The following GRM7 variants were observed in gnomAD, a reference collection of about 807,000 sequenced individuals.
GRM7 encodes metabotropic glutamate receptor 7.
GRM7 carries 35 observed loss-of-function variants against 84.5 expected under a neutral mutation model. The ratio of observed to expected loss-of-function variants is 0.41; its 90% CI spans 0.32 to 0.55. GRM7 has a LOEUF of 0.55. Ranked by LOEUF, GRM7 falls within the 20% of genes least tolerant of loss-of-function variation. The pLI is 0.19. For missense variants in GRM7, 1,003 were observed against 1,194.6 expected (o/e 0.84, Z 2.36); for synonymous variants, 487 against 455.1 (o/e 1.07, Z -0.89).
chr3:7,405,207 A>T (rs1025326796), intron 4 of GRM7, among the ~76,000 whole-genome samples: 4 of 152,350 alleles, frequency 2.6e-5, no homozygotes, highest in African/African-American at 9.6e-5. Context: ...TTTCTTGAAA[A>T]TATGTCATAT....
chr3:7,167,018 T>C (rs1041347052), intron 2 of GRM7, among the ~76,000 whole-genome samples: 1 of 152,184 alleles, frequency 6.6e-6, no homozygotes, highest in African/African-American at 2.4e-5. Flanking sequence ...ATATCTCAAA[T>C]GAGGTGATAA....
At chr3:6,927,592 ATACTT>A (rs1343971584) in intron 1 of GRM7, among the ~76,000 whole-genome samples, 3 of 152,204 alleles carry the variant, frequency 2.0e-5, no homozygotes, top group Non-Finnish European at 4.4e-5. Context: ...AGAAAAAAAT[ATACTT>A]TAGAGAGAAT....
chr3:7,069,039 C>T (rs906932095), intron 1 of GRM7, among the ~76,000 whole-genome samples: 4 of 149,800 alleles, frequency 2.7e-5, no homozygotes, highest in Non-Finnish European at 4.4e-5. Flanking sequence ...ATTATATATA[C>T]GATGATGATA....
intron 2 of GRM7, among the ~76,000 whole-genome samples, chr3:7,155,797 C>T (rs1461257978): frequency 1.3e-5 from 2 of 152,090 alleles, no homozygotes; most frequent in Non-Finnish European, 2.9e-5. Context: ...AGATGATAAA[C>T]ATATCCGGCA....
chr3:7,305,036 A>C (rs1305942717), intron 3 of GRM7, among the ~76,000 whole-genome samples: 1 of 152,190 alleles, frequency 6.6e-6, no homozygotes, highest in East Asian at 1.9e-4. Flanking sequence ...TTATAACAAT[A>C]TCTAGAGTCT....
At chr3:7,616,827 A>C (rs1697102782) in intron 8 of GRM7, among the ~76,000 whole-genome samples, 1 of 152,166 alleles carries the variant, frequency 6.6e-6, no homozygotes, top group African/African-American at 2.4e-5. Flanking sequence ...CTTCAGGATG[A>C]AAAACCTGAA....
At chr3:6,941,121 G>C (rs986324610) in intron 1 of GRM7, among the ~76,000 whole-genome samples, 1 of 152,116 alleles carries the variant, frequency 6.6e-6, no homozygotes, top group Non-Finnish European at 1.5e-5. Flanking sequence ...CAGCATTCCA[G>C]GTAAACTAGC....
intron 2 of GRM7, among the ~76,000 whole-genome samples, chr3:7,165,542 A>T (rs908960437): frequency 2.6e-5 from 4 of 152,220 alleles, no homozygotes; most frequent in African/African-American, 9.6e-5. Flanking sequence ...AAGAAGAAAA[A>T]TTTCCACTAA....
At chr3:7,453,982 G>A (rs544626805) in intron 6 of GRM7, among the ~76,000 whole-genome samples, 1 of 152,062 alleles carries the variant, frequency 6.6e-6, no homozygotes, top group South Asian at 2.1e-4. Flanking sequence ...GGAGGGCAGG[G>A]TAAGGTCAGA....
intron 1 of GRM7, among the ~76,000 whole-genome samples, chr3:6,936,723 C>T (rs1204978739): frequency 1.3e-5 from 2 of 152,192 alleles, no homozygotes; most frequent in African/African-American, 4.8e-5. Context: ...CTTTCCACGA[C>T]ATTCTATGAG....
intron 1 of GRM7, among the ~76,000 whole-genome samples, chr3:7,010,102 T>C (rs1167902744): frequency 6.6e-6 from 1 of 152,048 alleles, no homozygotes; most frequent in Non-Finnish European, 1.5e-5. Flanking sequence ...TGTGGGCCAG[T>C]AGATAGAAAA....
intron 6 of GRM7, 37 bp from the exon 7 acceptor site, chr3:7,461,546 T>C (rs1243604215): frequency 6.4e-7 from 1 of 1,573,916 alleles, no homozygotes; most frequent in Non-Finnish European, 8.7e-7. Context: ...GAATCTTGTT[T>C]AACTTTAGAA....
At chr3:7,259,246 A>G (rs544975681) in intron 2 of GRM7, among the ~76,000 whole-genome samples, 98 of 152,322 alleles carry the variant, frequency 6.4e-4, no homozygotes, top group East Asian at 9.6e-4. Flanking sequence ...CTGTAAAGTG[A>G]TGGTGATCAA....
At chr3:7,365,664 TACACACACGCAC>T (rs1693856409) in intron 4 of GRM7, among the ~76,000 whole-genome samples, 1 of 144,598 alleles carries the variant, frequency 6.9e-6, no homozygotes, top group African/African-American at 2.5e-5. Flanking sequence ...TATATATATA[TACACACACGCAC>T]ACACACACAC....
At chr3:7,630,899 G>A (rs548646549) in intron 8 of GRM7, among the ~76,000 whole-genome samples, 5 of 152,304 alleles carry the variant, frequency 3.3e-5, no homozygotes, top group Non-Finnish European at 5.9e-5. Flanking sequence ...TGTTAAGCCC[G>A]ATGAACCCAG....
chr3:7,384,664 C>T (rs975811066), intron 4 of GRM7, among the ~76,000 whole-genome samples: 1 of 152,114 alleles, frequency 6.6e-6, no homozygotes, highest in Non-Finnish European at 1.5e-5. Context: ...ATGTCTTCTA[C>T]ATTTAGAGCA....
intron 4 of GRM7, among the ~76,000 whole-genome samples, chr3:7,357,061 A>G (rs1488215109): frequency 2.7e-5 from 4 of 150,264 alleles, no homozygotes; most frequent in Non-Finnish European, 5.9e-5. Context: ...TTTCATATAT[A>G]TAATATTGTT....
intron 1 of GRM7, among the ~76,000 whole-genome samples, chr3:7,070,369 AT>A: frequency 6.6e-6 from 1 of 152,266 alleles, no homozygotes; most frequent in African/African-American, 2.4e-5. Flanking sequence ...CATAATCCAC[AT>A]TCCATATGCT....
At chr3:7,251,043 A>T (rs1434761677) in intron 2 of GRM7, among the ~76,000 whole-genome samples, 1 of 152,158 alleles carries the variant, frequency 6.6e-6, no homozygotes, top group Non-Finnish European at 1.5e-5. Context: ...AAGGTGGAAG[A>T]TTCTAACAGT....
Sources: allele counts gnomAD v4.1 joint callset (sites outside exome capture counted in the v4.1 genomes callset), GRCh38; gene constraint gnomAD v4.1.1; transcripts MANE v1.5; gene names NCBI Gene and HGNC (gene_info 2026-07-23, HGNC 2026-07-21).